Variants in PIKFYVE observed in about 807,000 individuals in gnomAD.
The protein encoded by PIKFYVE is phosphoinositide kinase, FYVE-type zinc finger containing.
Under a neutral mutation model 257.9 loss-of-function variants are expected in PIKFYVE, and 122 were observed. The observed-to-expected ratio is 0.47, with a 90% CI of 0.41 to 0.55. The LOEUF (loss-of-function observed/expected upper bound fraction) is 0.55, where lower values mean the gene tolerates loss of function less well. Ranked by LOEUF, PIKFYVE falls within the 20% of genes least tolerant of loss-of-function variation. The pLI, the probability that PIKFYVE is intolerant of heterozygous loss-of-function variation, is 0.00. For missense variants in PIKFYVE, 2,160 were observed against 2,536.6 expected, an observed-to-expected ratio of 0.85 and a Z score of 3.19; for synonymous variants, 892 against 868.9, an observed-to-expected ratio of 1.03 and a Z score of -0.47.
At chr2:208,314,210 AC>A in intron 13 of PIKFYVE, 83 bp from the exon 14 acceptor site, 1 of 1,478,326 alleles carries the variant, frequency 6.8e-7, no homozygotes, top group Non-Finnish European at 9.3e-7. Flanking sequence ...ATTTATAAAG[AC>A]AAAGGGCAAT....
chr2:208,342,456 G>T, intron 31 of PIKFYVE, 98 bp from the exon 32 acceptor site: 1 of 853,090 alleles, frequency 1.2e-6, no homozygotes, highest in South Asian at 1.5e-5. Context: ...CTTTCCTAAT[G>T]ATTCAGGTTA....
intron 9 of PIKFYVE, among the ~76,000 whole-genome samples, 157 bp downstream of exon 9, chr2:208,301,251 A>T (rs916160766): frequency 2.0e-5 from 3 of 152,204 alleles, no homozygotes; most frequent in African/African-American, 4.8e-5. Flanking sequence ...ACCCTCCTCC[A>T]ATCTGAGTTT....
chr2:208,325,964 T>C lies in PIKFYVE; in HGVS notation c.3153T>C (p.Asp1051=), dbSNP rs1696881442. The change falls in exon 20 of 42, where the codon GAT becomes GAC. Residue 1051 remains aspartate (D), a synonymous_variant. Coordinates refer to ENST00000264380, the MANE Select transcript of PIKFYVE (RefSeq NM_015040.4). Reference sequence around the variant, plus strand: ...TGGCCTTTAAGCAGGAATTAAAAGATGTGATCCTCTGTATCTCCCCAGTAA... The same window carrying C: ...TGGCCTTTAAGCAGGAATTAAAAGACGTGATCCTCTGTATCTCCCCAGTAA... ...YSLAFKQELK[D]VILCISPVIT... The C allele has an allele frequency of 1.2e-6, 2 of 1,614,050 alleles. No individual in the cohort carries two copies. Among genetic ancestry groups the C allele is most frequent in the African/African-American group, 1.3e-5 (1 of 75,050 alleles).
chr2:208,327,850 C>T (rs1697110966), intron 20 of PIKFYVE, among the ~76,000 whole-genome samples: 1 of 152,092 alleles, frequency 6.6e-6, no homozygotes, highest in Non-Finnish European at 1.5e-5. Flanking sequence ...GATGTTATAT[C>T]CCATCAGTTC....
intron 12 of PIKFYVE, chr2:208,305,583 C>G (rs1694225041): frequency 1.6e-6 from 1 of 613,962 alleles, no homozygotes; most frequent in African/African-American, 2.0e-5. Context: ...TTATTTGATG[C>G]TTTAGTCTAC....
chr2:208,319,649 A>T (rs982276581), intron 16 of PIKFYVE, among the ~76,000 whole-genome samples: 5 of 152,062 alleles, frequency 3.3e-5, no homozygotes, highest in Non-Finnish European at 7.4e-5. Context: ...TCAGCCTGAA[A>T]CCTCAATTGC....
Position 208,273,904 on chromosome 2 carries a change from G to A in PIKFYVE, c.322+171G>A, listed in dbSNP as rs1005411648. ...AGTAAATAAAACTCTTACCTCGGTA[G>A]TGAAAGAATTTATTGACACCTGAAA... is the stretch of plus-strand genomic sequence containing the variant. On this transcript the variant is annotated intron_variant, in intron 3 of 41. Transcript: ENST00000264380. The A allele has an allele frequency of 8.7e-6, 12 of 1,381,528 alleles. No individual in the cohort carries two copies. In the African/African-American group the frequency reaches 1.3e-4, roughly 15 times the overall value. 85.6% of individuals were successfully genotyped at this position (1,381,528 alleles called of 1,614,324 possible).
intron 27 of PIKFYVE, 85 bp from the exon 28 acceptor site, chr2:208,336,753 A>G (rs1559151482): frequency 4.7e-6 from 4 of 853,382 alleles, no homozygotes; most frequent in South Asian, 1.5e-5. Flanking sequence ...TGTGATTTCA[A>G]AGTTGTAAAG....
At chr2:208,287,762 G>A (rs539647556) in intron 6 of PIKFYVE, among the ~76,000 whole-genome samples, 10 of 151,716 alleles carry the variant, frequency 6.6e-5, no homozygotes, top group South Asian at 6.3e-4. Flanking sequence ...CACCATGCCC[G>A]GCTAAGTTTT....
Position 208,330,654 on chromosome 2 carries a change from A to G in PIKFYVE, c.3923A>G (p.His1308Arg). ...GATTCTCCAGTACCTGGATATCAGC[A>G]TACAATTCTTACATATTCCTGGTGT... ...ELDSPVPGYQHTILTYSWCRI... is the reference protein window; with the variant it reads ...ELDSPVPGYQRTILTYSWCRI... Residue 1308 changes from histidine (H) to arginine (R), a missense_variant, in exon 23 of 42, where the codon CAT becomes CGT. His to Arg is a conservative substitution (Grantham distance 29). Transcript: ENST00000264380. 1 of 1,614,154 alleles carries G rather than the reference A, an allele frequency of 6.2e-7. No homozygotes were observed. The highest frequency in any genetic ancestry group is 2.2e-5 in the East Asian group (1 of 44,890).
chr2:208,325,236 A>G, intron 19 of PIKFYVE, 34 bp from the exon 20 acceptor site: 4 of 1,602,914 alleles, frequency 2.5e-6, no homozygotes, highest in Non-Finnish European at 3.4e-6. Context: ...TGCCACCTCC[A>G]CCATCTTAAC....
chr2:208,327,059 A>G (rs2125597630), intron 20 of PIKFYVE, among the ~76,000 whole-genome samples: 1 of 152,296 alleles, frequency 6.6e-6, no homozygotes, highest in South Asian at 2.1e-4. Context: ...TTTCGCCAGT[A>G]GTCAAGGAAG....
intron 7 of PIKFYVE, among the ~76,000 whole-genome samples, chr2:208,292,294 G>A (rs1353693014): frequency 6.6e-6 from 1 of 152,064 alleles, no homozygotes; most frequent in African/African-American, 2.4e-5. Flanking sequence ...CAGTCTATAA[G>A]ATATTCATTA....
chr2:208,273,348 A>G (rs1045005370), intron 2 of PIKFYVE, among the ~76,000 whole-genome samples: 1 of 152,162 alleles, frequency 6.6e-6, no homozygotes, highest in Non-Finnish European at 1.5e-5. Context: ...CTGTAATTTC[A>G]GCACTTTGGA....
chr2:208,317,995 G>T (rs897165376), intron 16 of PIKFYVE, 54 bp downstream of exon 16: 12 of 1,538,836 alleles, frequency 7.8e-6, no homozygotes, highest in African/African-American at 1.4e-5. Flanking sequence ...TGTGTGCTTA[G>T]GTAACAAGTT....
intron 27 of PIKFYVE, 38 bp from the exon 28 acceptor site, chr2:208,336,800 A>G (rs368681913): frequency 6.1e-5 from 87 of 1,422,644 alleles, no homozygotes; most frequent in Non-Finnish European, 8.6e-5. Flanking sequence ...GGCTAGAAAC[A>G]AACCATATAT....
chr2:208,325,518 C>G lies in PIKFYVE; in HGVS notation c.2707C>G (p.Gln903Glu), dbSNP rs1459324705. Reference protein sequence around the residue: ...IEGRGHEGAVQEQYGGGSIPW... With the variant: ...IEGRGHEGAVEEQYGGGSIPW... Reference sequence around the variant, plus strand: ...GGGACGAGGGCATGAGGGGGCTGTCCAAGAGCAGTACGGTGGAGGTTCCAT... The same window carrying G: ...GGGACGAGGGCATGAGGGGGCTGTCGAAGAGCAGTACGGTGGAGGTTCCAT... Residue 903 changes from glutamine to glutamate, a missense_variant, in exon 20 of 42, where the codon CAA (glutamine) becomes GAA (glutamate). Coordinates refer to ENST00000264380, the MANE Select transcript of PIKFYVE (RefSeq NM_015040.4). The G allele has an allele frequency of 5.0e-6, 8 of 1,614,142 alleles. No individual in the cohort carries two copies. Among genetic ancestry groups the G allele is most frequent in the East Asian group, 2.2e-5 (1 of 44,888 alleles).
chr2:208,341,363 G>A (rs1173204760), intron 31 of PIKFYVE, among the ~76,000 whole-genome samples: 1 of 150,574 alleles, frequency 6.6e-6, no homozygotes, highest in Non-Finnish European at 1.5e-5. Flanking sequence ...ACCACTTTTT[G>A]TGAAACACAG....
In PIKFYVE at chr2:208,317,900, G is replaced by T; in HGVS notation, c.2041G>T (p.Val681Phe). The T allele has an allele frequency of 1.2e-6, 2 of 1,614,008 alleles. No homozygotes were observed. Among genetic ancestry groups the T allele is most frequent in the Middle Eastern group, 3.3e-4 (2 of 6,062 alleles). ...PGGKKFDSVV[V>F]NGFVCTKNIA... ...TGGAAAGAAGTTTGATTCTGTGGTT[G>T]TCAATGGCTTTGTTTGTACCAAGAA... is the stretch of plus-strand genomic sequence containing the variant. The change falls in exon 16 of 42, where the codon GTC (valine) becomes TTC (phenylalanine). Residue 681 changes from valine to phenylalanine, a missense_variant. Transcript: ENST00000264380.
Sources: gnomAD v4.1 joint callset for allele counts (sites outside exome capture counted in the v4.1 genomes callset) on GRCh38, gnomAD v4.1.1 for gene constraint, MANE v1.5 for transcripts, NCBI Gene and HGNC (gene_info 2026-07-23, HGNC 2026-07-21) for gene names.